SAMD14: variants seen among roughly 807,000 people sequenced by gnomAD.
SAMD14 encodes sterile alpha motif domain-containing protein 14.
A neutral mutation model predicts 46.2 loss-of-function variants in SAMD14; 27 were observed. The ratio of observed to expected loss-of-function variants is 0.58; its 90% CI spans 0.43 to 0.81. SAMD14 has a LOEUF of 0.81. SAMD14 is among the 30% of genes least tolerant of loss of function. The pLI is 0.00. For missense variants in SAMD14, 559 were observed against 582.2 expected, an observed-to-expected ratio of 0.96 and a Z score of 0.41; for synonymous variants, 241 against 254.3, an observed-to-expected ratio of 0.95 and a Z score of 0.50.
rs886703629 is a variant in SAMD14 at position 50,115,411 on chromosome 17, A to C, written c.822+153T>G. The stretch of plus-strand genomic sequence containing the variant: ...TGGAAGAGTGAACGAATGAATTCAG[A>C]GAATGCATGAAGTAACGGATCACTG... On this transcript the variant is annotated intron_variant, in intron 7 of 9. Coordinates refer to ENST00000330175, the MANE Select transcript of SAMD14 (RefSeq NM_001257359.2). The surrounding 1 kb of genome is among the most constrained non-coding windows in gnomAD (Gnocchi z 5.3). Among the ~76,000 whole-genome samples the C allele has an allele frequency of 6.6e-6, 1 of 152,256 alleles. No homozygotes were observed. Among genetic ancestry groups the C allele is most frequent in the Non-Finnish European group, 1.5e-5 (1 of 68,044 alleles).
At chr17:50,116,494 C>T (rs1911214746) in intron 4 of SAMD14, among the ~76,000 whole-genome samples, 1 of 151,334 alleles carries the variant, frequency 6.6e-6, no homozygotes, top group Non-Finnish European at 1.5e-5. Flanking sequence ...CAACTTCCAC[C>T]TCCCGGGTTC....
At chr17:50,124,637 G>A (rs1389508035) in intron 2 of SAMD14, among the ~76,000 whole-genome samples, 2 of 152,102 alleles carry the variant, frequency 1.3e-5, no homozygotes, top group Non-Finnish European at 2.9e-5. Flanking sequence ...GTGAGATGGG[G>A]GTGCTTAACC....
At chr17:50,124,767 GCGCGCACA>G (rs1044970020) in intron 2 of SAMD14, 142 bp downstream of exon 2, 224 of 498,566 alleles carry the variant, frequency 4.5e-4, no homozygotes, top group Non-Finnish European at 6.9e-4. Flanking sequence ...GTGCACGCGC[GCGCGCACA>G]CACACACACA....
intron 4 of SAMD14, chr17:50,116,400 C>CTTTT (rs10596441): frequency 9.8e-5 from 13 of 132,732 alleles, no homozygotes; most frequent in African/African-American, 2.0e-4. Context: ...TCCTGGCCAA[C>CTTTT]TTTTTTTTTT....
At chr17:50,128,548 T>C (rs1036924322) in intron 1 of SAMD14, among the ~76,000 whole-genome samples, 12 of 150,412 alleles carry the variant, frequency 8.0e-5, no homozygotes, top group African/African-American at 1.2e-4. Context: ...AAGGGTGGGA[T>C]TGAACCGGTT....
At position 50,117,495 on chromosome 17, in the gene SAMD14, G is replaced by A. The variant is rs1156888308; in HGVS notation, c.411C>T (p.Ala137=). ...GCGCGGAGCGCGGCGGAGAGCAGGA[G>A]GCGGCGGCCAGGCCCTCGTGCGACG... The part of the protein sequence containing the change: ...NAASHEGLAA[A]SCSPPRSAPS... Residue 137 remains alanine, a synonymous_variant, in exon 4 of 10, where the codon GCC becomes GCT. Coordinates refer to ENST00000330175, the MANE Select transcript of SAMD14 (RefSeq NM_001257359.2). 5 of 1,451,564 alleles carry A rather than the reference G, an allele frequency of 3.4e-6. No homozygotes were observed. The African/African-American group carries it at 5.9e-5, about 17-fold the overall frequency. The allele number at this position is 1,451,564 out of a possible 1,614,324, so 89.9% of individuals were successfully genotyped here.
rs1045051263 is a variant in SAMD14 at position 50,117,538 on chromosome 17, C to T, written c.368G>A (p.Arg123Gln). The change falls in exon 4 of 10, where the codon CGG becomes CAG. Residue 123 changes from arginine to glutamine, a missense_variant. Transcript: ENST00000330175. ...EPPPSPLTRY[R>Q]PLHNAASHEG... Reference sequence around the variant, plus strand: ...GTGCGACGCAGCGTTGTGCAGGGGCCGGTAGCGTGTGAGCGGCGAGGGCGG... The same window carrying T: ...GTGCGACGCAGCGTTGTGCAGGGGCTGGTAGCGTGTGAGCGGCGAGGGCGG... The T allele has an allele frequency of 1.3e-6, 2 of 1,552,960 alleles. No individual in the cohort carries two copies. The highest frequency in any genetic ancestry group is 1.7e-6 in the Non-Finnish European group (2 of 1,159,952).
chr17:50,113,862 C>A, intron 9 of SAMD14, 62 bp downstream of exon 9: 1 of 1,599,350 alleles, frequency 6.3e-7, no homozygotes, highest in Non-Finnish European at 8.6e-7. Flanking sequence ...TGAGGGACTT[C>A]AAATCCTTGA....
Position 50,112,934 on chromosome 17 carries a change from C to CCCGCTG in SAMD14, c.1207_1212dup (p.Gln403_Arg404dup). ...TCCTGCTCTCGGCGCCGGAGCTTCTCCCGCTGCCGCGCAGCCTTCTCCTGG... is the reference window on the plus strand; with the variant it reads ...TCCTGCTCTCGGCGCCGGAGCTTCTCCCGCTGCCGCTGCCGCGCAGCCTTCTCCTGG... On this transcript the variant is annotated inframe_insertion, in exon 10 of 10. Transcript: ENST00000330175. 1.9e-6 allele frequency: 3 copies of CCCGCTG among 1,608,862 alleles called. No homozygotes were observed. Among genetic ancestry groups the CCCGCTG allele is most frequent in the South Asian group, 2.2e-5 (2 of 91,082 alleles).
At chr17:50,122,340 G>A (rs146897022) in intron 2 of SAMD14, among the ~76,000 whole-genome samples, 2 of 152,346 alleles carry the variant, frequency 1.3e-5, no homozygotes, top group East Asian at 3.9e-4. Flanking sequence ...TGTTCAGGAA[G>A]TGTTGAAGCA....
Position 50,119,242 on chromosome 17 carries a change from T to C in SAMD14, c.44-915A>G, listed in dbSNP as rs142570909. Among the ~76,000 whole-genome samples the C allele has an allele frequency of 9.5e-4, 145 of 152,302 alleles. No individual in the cohort carries two copies. The East Asian group carries it at 0.011, about 12-fold the overall frequency. On this transcript the variant is annotated intron_variant, in intron 2 of 9. Coordinates refer to ENST00000330175, the MANE Select transcript of SAMD14 (RefSeq NM_001257359.2). ...GTGGGCAGACCCAGTGGGTCCAGCG[T>C]TAAAGTCCTTATTGCTCATAGCTCC...
At chr17:50,122,625 G>A (rs1188859080) in intron 2 of SAMD14, among the ~76,000 whole-genome samples, 1 of 152,190 alleles carries the variant, frequency 6.6e-6, no homozygotes, top group East Asian at 1.9e-4. Flanking sequence ...CAGAGCCAAG[G>A]ACAGAGCCTG....
Position 50,113,978 on chromosome 17 carries a change from A to T in SAMD14, c.1044T>A (p.Ala348=). 6.2e-7 allele frequency: 1 copy of T among 1,613,714 alleles called. No homozygotes were observed. Among genetic ancestry groups the T allele is most frequent in the Non-Finnish European group, 8.5e-7 (1 of 1,180,026 alleles). Residue 348 remains alanine (A), a synonymous_variant, in exon 9 of 10, where the codon GCT becomes GCA. Transcript: ENST00000330175. ...GCTGCGGCCCGTCTACCTGCCGTGC[A>T]GCAAACTCAGCAGCATACTGTTCCA... The part of the protein sequence containing the change: ...LNLEQYAAEF[A]ARQVDGPQLL...
Position 50,118,346 on chromosome 17 carries a change from G to A in SAMD14, c.44-19C>T, listed in dbSNP as rs754384281. The A allele has an allele frequency of 5.0e-6, 8 of 1,608,584 alleles. No homozygotes were observed. In the African/African-American group the frequency reaches 8.0e-5, roughly 16 times the overall value. ...TCCAGGTCTGCGAACCGGGGGAGGGGAGCAGAGACCAGACACATGAGAGGT... is the reference window on the plus strand; with the variant it reads ...TCCAGGTCTGCGAACCGGGGGAGGGAAGCAGAGACCAGACACATGAGAGGT... On this transcript the variant is annotated intron_variant, in intron 2 of 9. Coordinates refer to ENST00000330175, the MANE Select transcript of SAMD14 (RefSeq NM_001257359.2).
At chr17:50,113,548 C>A in intron 9 of SAMD14, 1 of 304,522 alleles carries the variant, frequency 3.3e-6, no homozygotes. Context: ...CCCACTATTA[C>A]CACTAGCCTC....
At position 50,110,170 on chromosome 17, in the gene SAMD14, A is replaced by G; in HGVS notation, c.*2723T>C. 1.4e-6 allele frequency: 2 copies of G among 1,461,518 alleles called. No homozygotes were observed. The highest frequency in any genetic ancestry group is 1.8e-6 in the Non-Finnish European group (2 of 1,093,512). The allele number at this position is 1,461,518 out of a possible 1,614,324, so 90.5% of individuals were successfully genotyped here. A position where few individuals can be genotyped will look rare whatever the true frequency, so the allele number is the denominator to read the frequency against. Reference sequence around the variant, plus strand: ...TCCCCCCACCGTGGTGCCCCTCACCATCCTCCTGGGGGAGCAGGGGGTGGG... The same window carrying G: ...TCCCCCCACCGTGGTGCCCCTCACCGTCCTCCTGGGGGAGCAGGGGGTGGG... On this transcript the variant is annotated 3_prime_UTR_variant, in exon 10 of 10. Coordinates refer to ENST00000330175, the MANE Select transcript of SAMD14 (RefSeq NM_001257359.2).
Position 50,114,080 on chromosome 17 carries a change from C to A in SAMD14, c.943-1G>T. 1 of 1,613,696 alleles carries A rather than the reference C, an allele frequency of 6.2e-7. No homozygotes were observed. The highest frequency in any genetic ancestry group is 1.3e-5 in the African/African-American group (1 of 75,034). ...CAGGGGGGAGGGGTTCATCCAGGAA[C>A]TGGGCAGAGACCAAGGAGAGTGAGG... On this transcript the variant is annotated splice_acceptor_variant, in intron 8 of 9. Coordinates refer to ENST00000330175, the MANE Select transcript of SAMD14 (RefSeq NM_001257359.2). LOFTEE classifies it high-confidence loss of function.
In SAMD14 at chr17:50,118,300, G is replaced by T. The variant is rs1246593791; in HGVS notation, c.71C>A (p.Ala24Asp). 6.2e-7 allele frequency: 1 copy of T among 1,613,530 alleles called. No homozygotes were observed. Among genetic ancestry groups the T allele is most frequent in the Non-Finnish European group, 8.5e-7 (1 of 1,180,014 alleles). Residue 24 changes from alanine (A) to aspartate (D), a missense_variant, in exon 3 of 10, where the codon GCC becomes GAC. By Grantham distance (126) the Ala-to-Asp change is moderately radical (BLOSUM62 -2). Transcript: ENST00000330175. ...CTTGTGTAAACTGCTGTCCAGTCTG[G>T]CCGTCTCTGGCACAGCCAAGTCCAG... ...FDLDLAVPETARLDSSLHKAR... is the reference protein window; with the variant it reads ...FDLDLAVPETDRLDSSLHKAR...
Position 50,112,917 on chromosome 17 carries a change from T to C in SAMD14, c.1230A>G (p.Arg410=), listed in dbSNP as rs1567717166. 6.2e-7 allele frequency: 1 copy of C among 1,606,880 alleles called. No individual in the cohort carries two copies. The highest frequency in any genetic ancestry group is 1.1e-5 in the South Asian group (1 of 91,074). ...AARQREKLRR[R]EQEAKKS ...CCTAGCTCTTCTTGGCCTCCTGCTCTCGGCGCCGGAGCTTCTCCCGCTGCC... is the reference window on the plus strand; with the variant it reads ...CCTAGCTCTTCTTGGCCTCCTGCTCCCGGCGCCGGAGCTTCTCCCGCTGCC... Residue 410 remains arginine (R), a synonymous_variant, in exon 10 of 10, where the codon CGA becomes CGG. Transcript: ENST00000330175.
Sources: allele counts gnomAD v4.1 joint callset (sites outside exome capture counted in the v4.1 genomes callset), GRCh38; gene constraint gnomAD v4.1.1; non-coding constraint Gnocchi (gnomAD v3.1); transcripts MANE v1.5; gene names NCBI Gene and HGNC (gene_info 2026-07-23, HGNC 2026-07-21).